The following ITGA9 variants were observed in gnomAD, a reference collection of about 807,000 sequenced individuals.
The protein encoded by ITGA9 is integrin alpha-9.
In ITGA9, 56 loss-of-function variants were observed where a neutral mutation model predicts 127.8. The ratio of observed to expected loss-of-function variants is 0.44; its 90% CI spans 0.35 to 0.55. ITGA9 has a LOEUF of 0.55. Ranked by LOEUF, ITGA9 falls within the 20% of genes least tolerant of loss-of-function variation. The pLI, the probability that ITGA9 is intolerant of heterozygous loss-of-function variation, is 0.00. For synonymous variants in ITGA9, 508 were observed against 514.5 expected, an observed-to-expected ratio of 0.99 and a Z score of 0.17; for missense variants, 1,196 against 1,347.1, an observed-to-expected ratio of 0.89 and a Z score of 1.76.
chr3:37,541,742 G>C (rs1203430631), intron 14 of ITGA9, among the ~76,000 whole-genome samples: 4 of 152,192 alleles, frequency 2.6e-5, no homozygotes, highest in African/African-American at 9.7e-5. Flanking sequence ...GGCTACCTGG[G>C]AATAAAGGCA....
intron 23 of ITGA9, among the ~76,000 whole-genome samples, chr3:37,770,261 T>C (rs1459435404): frequency 6.6e-6 from 1 of 152,190 alleles, no homozygotes; most frequent in Admixed American, 6.5e-5. Flanking sequence ...TAGCACCTAA[T>C]ATTGTATTAT....
At chr3:37,472,157 A>T (rs1011959166) in intron 2 of ITGA9, among the ~76,000 whole-genome samples, 7 of 152,174 alleles carry the variant, frequency 4.6e-5, no homozygotes, top group Non-Finnish European at 1.0e-4. Context: ...CCCAGCTGGG[A>T]CTGATTGGGA....
chr3:37,470,934 G>A (rs550889169), intron 1 of ITGA9, 73 bp from the exon 2 acceptor site: 4 of 1,542,148 alleles, frequency 2.6e-6, no homozygotes, highest in Non-Finnish European at 2.7e-6. Flanking sequence ...CCGTGGTTGG[G>A]TGAATACTTA....
At chr3:37,536,549 T>G (rs996486086) in intron 14 of ITGA9, among the ~76,000 whole-genome samples, 2 of 152,254 alleles carry the variant, frequency 1.3e-5, no homozygotes, top group African/African-American at 4.8e-5. Context: ...GTCTTGTGCC[T>G]TTGGTTTCTT....
At chr3:37,512,450 C>T (rs1162555992) in intron 8 of ITGA9, among the ~76,000 whole-genome samples, 3 of 151,754 alleles carry the variant, frequency 2.0e-5, no homozygotes, top group Non-Finnish European at 4.4e-5. Context: ...GAACTCCTGG[C>T]CTTGTGATCC....
intron 26 of ITGA9, 106 bp downstream of exon 26, chr3:37,785,184 A>G (rs1697025019): frequency 2.4e-6 from 2 of 846,282 alleles, no homozygotes; most frequent in Non-Finnish European, 4.1e-6. Context: ...CTGAGCCAAG[A>G]TGTTGGGTTT....
At chr3:37,717,816 A>C (rs944327559) in intron 18 of ITGA9, among the ~76,000 whole-genome samples, 1 of 152,248 alleles carries the variant, frequency 6.6e-6, no homozygotes, top group Non-Finnish European at 1.5e-5. Context: ...GGTACATAGT[A>C]TGACTATGGT....
At chr3:37,654,341 C>T (rs559002636) in intron 17 of ITGA9, among the ~76,000 whole-genome samples, 4 of 152,262 alleles carry the variant, frequency 2.6e-5, no homozygotes, top group African/African-American at 9.6e-5. Context: ...TTCAGGGTTT[C>T]CTCCCGCACT....
intron 16 of ITGA9, among the ~76,000 whole-genome samples, chr3:37,635,854 C>A (rs900952721): frequency 1.4e-5 from 2 of 143,382 alleles, no homozygotes; most frequent in Non-Finnish European, 3.0e-5. Context: ...TTGTTCAATT[C>A]CCACCTATGA....
intron 15 of ITGA9, among the ~76,000 whole-genome samples, chr3:37,621,651 A>C (rs1700130033): frequency 6.6e-6 from 1 of 152,232 alleles, no homozygotes; most frequent in Non-Finnish European, 1.5e-5. Context: ...GAAGAGAAAA[A>C]AGCATCAGTG....
At chr3:37,755,064 C>T (rs1575223017) in intron 23 of ITGA9, among the ~76,000 whole-genome samples, 1 of 152,166 alleles carries the variant, frequency 6.6e-6, no homozygotes, top group African/African-American at 2.4e-5. Context: ...ATAACTGACC[C>T]CCCCAAAAAA....
rs1313907160 is a variant in ITGA9 at position 37,803,830 on chromosome 3, T to G, written c.2897T>G (p.Phe966Cys). ...HGNPEEVTVV[F>C]EALHNLEPRG... ...TGTTGCGTTGCCTCCTAGGTGGTCT[T>G]CGAGGCCCTGCACAATCTGGAGCCC... is the stretch of plus-strand genomic sequence containing the variant. The change falls in exon 27 of 28, where the codon TTC becomes TGC. Residue 966 changes from phenylalanine to cysteine, a missense_variant. Phe to Cys is a radical substitution (Grantham distance 205). Coordinates refer to ENST00000264741, the MANE Select transcript of ITGA9 (RefSeq NM_002207.3). 3 of 1,614,012 alleles carry G rather than the reference T, an allele frequency of 1.9e-6. No homozygotes were observed. Among genetic ancestry groups the G allele is most frequent in the Non-Finnish European group, 2.5e-6 (3 of 1,179,998 alleles).
intron 16 of ITGA9, among the ~76,000 whole-genome samples, chr3:37,640,714 G>A (rs912666817): frequency 2.0e-5 from 3 of 152,192 alleles, no homozygotes; most frequent in Non-Finnish European, 4.4e-5. Context: ...CCAGAACCCC[G>A]GGGCTTCTTT....
chr3:37,649,034 G>A (rs990114524), intron 16 of ITGA9, among the ~76,000 whole-genome samples: 24 of 149,400 alleles, frequency 1.6e-4, no homozygotes, highest in Admixed American at 4.0e-4. Flanking sequence ...AAATTATTTC[G>A]TGTAAGCTCC....
intron 15 of ITGA9, among the ~76,000 whole-genome samples, chr3:37,592,316 G>A (rs969355733): frequency 4.6e-5 from 7 of 152,004 alleles, no homozygotes; most frequent in South Asian, 2.1e-4. Context: ...GCTATTCCTC[G>A]TTGAAGGTAG....
intron 15 of ITGA9, among the ~76,000 whole-genome samples, chr3:37,584,674 G>C (rs969197190): frequency 1.3e-5 from 2 of 152,102 alleles, no homozygotes; most frequent in African/African-American, 2.4e-5. Flanking sequence ...AGAATTGCTT[G>C]AACTCGGGAG....
intron 3 of ITGA9, 27 bp from the exon 4 acceptor site, chr3:37,481,457 G>C (rs1242505544): frequency 1.2e-6 from 2 of 1,614,048 alleles, no homozygotes; most frequent in Admixed American, 3.3e-5. Context: ...CAACTTTCCT[G>C]CTCTCAACTG....
intron 15 of ITGA9, among the ~76,000 whole-genome samples, chr3:37,621,599 C>T (rs1700129495): frequency 6.6e-6 from 1 of 152,192 alleles, no homozygotes; most frequent in Non-Finnish European, 1.5e-5. Flanking sequence ...AATGCAAAAT[C>T]AAACCATTCC....
intron 8 of ITGA9, among the ~76,000 whole-genome samples, chr3:37,512,670 GT>G (rs1373833580): frequency 2.0e-5 from 3 of 152,210 alleles, no homozygotes; most frequent in Admixed American, 6.5e-5. Context: ...TTTAAATAAA[GT>G]TTTAAATTTT....
Sources: allele counts gnomAD v4.1 joint callset (sites outside exome capture counted in the v4.1 genomes callset), GRCh38; gene constraint gnomAD v4.1.1; transcripts MANE v1.5; gene names NCBI Gene and HGNC (gene_info 2026-07-23, HGNC 2026-07-21).